RAB1A: variants seen among roughly 807,000 people sequenced by gnomAD.
The protein encoded by RAB1A is RAB1A, member RAS oncogene family, also known as ras-related protein Rab-1A.
A neutral mutation model predicts 26.0 loss-of-function variants in RAB1A; 2 were observed. The observed-to-expected ratio is 0.08, with a 90% CI of 0.03 to 0.24. The LOEUF (loss-of-function observed/expected upper bound fraction) is 0.24. RAB1A is among the 10% of genes least tolerant of loss of function. The pLI is 1.00. For synonymous variants in RAB1A, 84 were observed against 84.9 expected (o/e 0.99, Z 0.06); for missense variants, 100 against 247.0 (o/e 0.40, Z 3.99).
intron 1 of RAB1A, among the ~76,000 whole-genome samples, chr2:65,113,464 A>AC (rs533240202): frequency 6.6e-6 from 1 of 152,112 alleles, no homozygotes; most frequent in Non-Finnish European, 1.5e-5. Flanking sequence ...TAGGAATAGA[A>AC]CCATTGCACT....
At position 65,104,782 on chromosome 2, in the gene RAB1A, C is replaced by G; in HGVS notation, c.48G>C (p.Leu16=). The change falls in exon 2 of 6, where the codon CTG becomes CTC. Residue 16 remains leucine, a synonymous_variant. Coordinates refer to ENST00000409784, the MANE Select transcript of RAB1A (RefSeq NM_004161.5). ...ACTTTCCAACCCCTGAGTCGCCAAT[C>G]AGAAGTAACTTGAATAAATAATCAC... ...PEYDYLFKLL[L]IGDSGVGKSC... is the part of the protein sequence containing the mutation. 6.2e-7 allele frequency: 1 copy of G among 1,608,316 alleles called. No individual in the cohort carries two copies. Among genetic ancestry groups the G allele is most frequent in the Non-Finnish European group, 8.5e-7 (1 of 1,176,260 alleles).
At chr2:65,109,697 G>C (rs1352888953) in intron 1 of RAB1A, among the ~76,000 whole-genome samples, 1 of 145,106 alleles carries the variant, frequency 6.9e-6, no homozygotes. Flanking sequence ...GCAACAGAGC[G>C]AGACTCCATC....
At chr2:65,127,302 CTTT>C (rs1318321923) in intron 1 of RAB1A, among the ~76,000 whole-genome samples, 2 of 152,260 alleles carry the variant, frequency 1.3e-5, no homozygotes, top group East Asian at 3.9e-4. Context: ...TGATAAATCC[CTTT>C]CAGGTCTCTC....
At chr2:65,097,466 T>C (rs566092050) in intron 3 of RAB1A, among the ~76,000 whole-genome samples, 3 of 152,338 alleles carry the variant, frequency 2.0e-5, no homozygotes, top group South Asian at 2.1e-4. Context: ...AAAATGAACA[T>C]GTTACAAAAA....
rs1020093668 is a variant in RAB1A, at chr2:65,088,265, T to A, written c.*228A>T. The A allele has an allele frequency of 4.5e-6, 2 of 446,702 alleles. No individual in the cohort carries two copies. The highest frequency in any genetic ancestry group is 7.9e-6 in the Non-Finnish European group (2 of 253,662). The allele number at this position is 446,702 out of a possible 1,614,324, so 27.7% of individuals were successfully genotyped here. A position where few individuals can be genotyped will look rare whatever the true frequency, so the allele number is the denominator to read the frequency against. On this transcript the variant is annotated 3_prime_UTR_variant, in exon 6 of 6. Transcript: ENST00000409784. ...AACAAGGATTACACACATTATTTTA[T>A]AAACCAGCACACAAAGGTTTAAAAC...
intron 4 of RAB1A, among the ~76,000 whole-genome samples, chr2:65,089,697 G>A (rs1340517209): frequency 3.4e-5 from 3 of 87,310 alleles, no homozygotes; most frequent in African/African-American, 4.8e-5. Flanking sequence ...TTTGAAATTT[G>A]ATTAATTTTT....
rs145593740 is a variant in RAB1A at position 65,093,454 on chromosome 2, A to G, written c.193-2376T>C. 1.2e-3 allele frequency among the ~76,000 whole-genome samples: 188 copies of G among 152,228 alleles called. 1 individual carries two copies. Among genetic ancestry groups the G allele is most frequent in the African/African-American group, 4.1e-3 (171 of 41,536 alleles). On this transcript the variant is annotated intron_variant, in intron 3 of 5. Coordinates refer to ENST00000409784, the MANE Select transcript of RAB1A (RefSeq NM_004161.5). The stretch of plus-strand genomic sequence containing the variant: ...GCTGAATGTTTTATAATCTAATAAA[A>G]CTCAGATAAAGACCCAGATGTCACA...
chr2:65,087,081 C>T lies in RAB1A; in HGVS notation c.*1412G>A, dbSNP rs1669050174. 1 of 152,168 alleles carries T rather than the reference C, an allele frequency of 6.6e-6. No homozygotes were observed. The highest frequency in any genetic ancestry group is 6.5e-5 in the Admixed American group (1 of 15,278). 9.4% of individuals were successfully genotyped at this position (152,168 alleles called of 1,614,324 possible). On this transcript the variant is annotated 3_prime_UTR_variant, in exon 6 of 6. Coordinates refer to ENST00000409784, the MANE Select transcript of RAB1A (RefSeq NM_004161.5). ...CACAACAAAATGTGTTGCCAGCAGCCATATCCCAAGCCCCTGCGTGAAGAA... is the reference window on the plus strand; with the variant it reads ...CACAACAAAATGTGTTGCCAGCAGCTATATCCCAAGCCCCTGCGTGAAGAA...
rs1303837131 is a variant in RAB1A, at chr2:65,088,291, A to T, written c.*202T>A. The T allele has an allele frequency of 7.8e-6, 4 of 514,368 alleles. No individual in the cohort carries two copies. Among genetic ancestry groups the T allele is most frequent in the Non-Finnish European group, 1.4e-5 (4 of 293,624 alleles). The allele number at this position is 514,368 out of a possible 1,614,324, so 31.9% of individuals were successfully genotyped here. A position where few individuals can be genotyped will look rare whatever the true frequency, so the allele number is the denominator to read the frequency against. On this transcript the variant is annotated 3_prime_UTR_variant, in exon 6 of 6. Coordinates refer to ENST00000409784, the MANE Select transcript of RAB1A (RefSeq NM_004161.5). The stretch of plus-strand genomic sequence containing the variant: ...AAACCAGCACACAAAGGTTTAAAAC[A>T]GTTCTGAAAATGAAGTTAGCTGTCT...
intron 1 of RAB1A, chr2:65,105,510 TCAAAAA>T (rs1558581195): frequency 4.0e-5 from 1 of 25,314 alleles, no homozygotes; most frequent in African/African-American, 1.8e-4. Flanking sequence ...AAACTCTGTC[TCAAAAA>T]AAAAAAAAAA....
chr2:65,121,925 A>G (rs541183873), intron 1 of RAB1A, among the ~76,000 whole-genome samples: 1 of 152,152 alleles, frequency 6.6e-6, no homozygotes, highest in East Asian at 1.9e-4. Flanking sequence ...TTGGGAGACC[A>G]AGGCAGGCGG....
chr2:65,116,365 G>A (rs1449038000), intron 1 of RAB1A, among the ~76,000 whole-genome samples: 3 of 152,066 alleles, frequency 2.0e-5, no homozygotes, highest in Non-Finnish European at 4.4e-5. Flanking sequence ...AGCCTGCATG[G>A]GTTTGGACCT....
At chr2:65,088,864 CCTTA>C (rs1212609812) in intron 5 of RAB1A, 71 bp downstream of exon 5, 67 of 1,455,050 alleles carry the variant, frequency 4.6e-5, no homozygotes, top group Middle Eastern at 4.6e-4. Context: ...AAGGCTGTGG[CCTTA>C]CTGTTACTGC....
At chr2:65,124,655 C>T (rs1279732066) in intron 1 of RAB1A, among the ~76,000 whole-genome samples, 1 of 152,018 alleles carries the variant, frequency 6.6e-6, no homozygotes, top group Non-Finnish European at 1.5e-5. Context: ...GCCATGTTGG[C>T]CAGGCTGGTC....
chr2:65,107,890 C>T (rs781706928), intron 1 of RAB1A, among the ~76,000 whole-genome samples: 3 of 151,816 alleles, frequency 2.0e-5, no homozygotes, highest in African/African-American at 7.3e-5. Flanking sequence ...ACGGTGAAAC[C>T]CCATCTCTAC....
At chr2:65,115,536 T>C (rs1669804756) in intron 1 of RAB1A, among the ~76,000 whole-genome samples, 1 of 152,206 alleles carries the variant, frequency 6.6e-6, no homozygotes, top group South Asian at 2.1e-4. Context: ...TATGCTTCTG[T>C]ACTGTGAATT....
intron 1 of RAB1A, chr2:65,106,304 G>A (rs1669557459): frequency 3.7e-6 from 1 of 269,130 alleles, no homozygotes; most frequent in Non-Finnish European, 7.5e-6. Flanking sequence ...TTTGTATTTT[G>A]TCCTTTTTGA....
intron 3 of RAB1A, 147 bp from the exon 4 acceptor site, chr2:65,091,225 C>A: frequency 1.7e-6 from 1 of 574,916 alleles, no homozygotes; most frequent in Non-Finnish European, 3.1e-6. Flanking sequence ...ACTCATACCA[C>A]TAAATTGCAC....
chr2:65,121,162 A>T (rs1277529432), intron 1 of RAB1A, among the ~76,000 whole-genome samples: 1 of 136,228 alleles, frequency 7.3e-6, no homozygotes, highest in African/African-American at 2.8e-5. Context: ...AGAGTACAGG[A>T]GGTTGAGACT....
Sources: gnomAD v4.1 joint callset for allele counts (sites outside exome capture counted in the v4.1 genomes callset) on GRCh38, gnomAD v4.1.1 for gene constraint, MANE v1.5 for transcripts, NCBI Gene and HGNC (gene_info 2026-07-23, HGNC 2026-07-21) for gene names.